The following ASAH1 variants were observed in gnomAD, a reference collection of about 807,000 sequenced individuals.
ASAH1 encodes acid ceramidase.
In ASAH1, 70 loss-of-function variants were observed where a neutral mutation model predicts 59.5. That is an observed-to-expected ratio of 1.18 (90% confidence interval 0.97 to 1.43). The LOEUF (loss-of-function observed/expected upper bound fraction) is 1.43, where lower values mean the gene tolerates loss of function less well. Ranked by LOEUF, ASAH1 falls within the 40% of genes most tolerant of loss-of-function variation. The pLI is 0.00. For missense variants in ASAH1, 660 were observed against 482.5 expected (o/e 1.37, Z -3.45); for synonymous variants, 213 against 166.5 (o/e 1.28, Z -2.15).
intron 1 of ASAH1, among the ~76,000 whole-genome samples, chr8:18,077,916 A>T (rs62497641): frequency 0.012 from 1,877 of 152,282 alleles, 19 homozygotes; most frequent in Admixed American, 0.018. Context: ...TGTGATGGGT[A>T]CTTAACCCAA....
intron 9 of ASAH1, 32 bp from the exon 10 acceptor site, chr8:18,061,490 G>T (rs1799697769): frequency 6.3e-7 from 1 of 1,574,850 alleles, no homozygotes; most frequent in Non-Finnish European, 8.7e-7. Context: ...TCAGGAACCG[G>T]AAGAGGTGAC....
At chr8:18,064,244 T>G (rs1420331929) in intron 6 of ASAH1, 3 of 585,058 alleles carry the variant, frequency 5.1e-6, no homozygotes, top group Non-Finnish European at 9.1e-6. Flanking sequence ...GTTTTTTGCA[T>G]GTCTGAAATC....
chr8:18,059,328 C>A lies in ASAH1; in HGVS notation c.1041+13G>T, dbSNP rs998426454. ...GCAACAGTTTCTTTCTATAGATGAC[C>A]CTGCAAAGGTACCTCTTGGCTGGTG... is the stretch of plus-strand genomic sequence containing the variant. On this transcript the variant is annotated intron_variant, in intron 12 of 13. Transcript: ENST00000637790. 3 of 1,614,004 alleles carry A rather than the reference C, an allele frequency of 1.9e-6. No individual in the cohort carries two copies. In the African/African-American group the frequency reaches 4.0e-5, roughly 22 times the overall value.
At chr8:18,084,324 C>T, upstream of ASAH1, 2 of 1,421,340 alleles carry the variant, frequency 1.4e-6, no homozygotes, top group Non-Finnish European at 1.8e-6. Flanking sequence ...TGGCGCGTGG[C>T]GTGATCCATC....
Position 18,057,638 on chromosome 8 carries a change from AT to A in ASAH1, c.1099-16del. 6.3e-7 allele frequency: 1 copy of A among 1,575,774 alleles called. No homozygotes were observed. Among genetic ancestry groups the A allele is most frequent in the Admixed American group, 1.7e-5 (1 of 58,974 alleles). ...TATACGGTCAGCTGAAAGAAAAGTTATTTTTACTTTAAGGACGTTTTCAATT... is the reference window on the plus strand; with the variant it reads ...TATACGGTCAGCTGAAAGAAAAGTTATTTTACTTTAAGGACGTTTTCAATT... On this transcript the variant is annotated splice_polypyrimidine_tract_variant and intron_variant, in intron 13 of 13. Transcript: ENST00000637790.
rs544879078 is a variant in ASAH1, at chr8:18,057,506, G to A, written c.*28C>T. 3 of 1,546,136 alleles carry A rather than the reference G, an allele frequency of 1.9e-6. No individual in the cohort carries two copies. The highest frequency in any genetic ancestry group is 2.3e-5 in the East Asian group (1 of 42,704). On this transcript the variant is annotated 3_prime_UTR_variant, in exon 14 of 14. Transcript: ENST00000637790. ...GGAGATGGTGTCTTCATGTCTCAGA[G>A]GCCGCATTCTGTAGGCCAGACGTGT...
chr8:18,079,930 T>C (rs1800582937), intron 1 of ASAH1, among the ~76,000 whole-genome samples: 1 of 152,246 alleles, frequency 6.6e-6, no homozygotes, highest in Admixed American at 6.5e-5. Context: ...ATTAAGCTAC[T>C]GATATTTAGG....
chr8:18,058,722 C>T (rs1447608150), intron 13 of ASAH1, 113 bp downstream of exon 13: 4 of 985,798 alleles, frequency 4.1e-6, no homozygotes, highest in Non-Finnish European at 4.8e-6. Flanking sequence ...AAAATCAGTC[C>T]TAAGCTGAAC....
intron 1 of ASAH1, among the ~76,000 whole-genome samples, chr8:18,080,400 C>T (rs1800602551): frequency 6.6e-6 from 1 of 152,182 alleles, no homozygotes; most frequent in South Asian, 2.1e-4. Context: ...ACTTAGCCTA[C>T]CGCAAGCTGT....
Position 18,083,970 on chromosome 8 carries a change from A to C in ASAH1, c.78+11T>G. ...ACGCCCCTCTCTGCGCCTCGGCTCA[A>C]GCTCACTCACCGGCGGCGCGTGCTG... On this transcript the variant is annotated intron_variant, in intron 1 of 13. Coordinates refer to ENST00000637790, the MANE Select transcript of ASAH1 (RefSeq NM_177924.5). The C allele has an allele frequency of 6.3e-7, 1 of 1,597,414 alleles. No homozygotes were observed. Among genetic ancestry groups the C allele is most frequent in the African/African-American group, 1.3e-5 (1 of 75,022 alleles).
chr8:18,079,042 T>C (rs1381839963), intron 1 of ASAH1, among the ~76,000 whole-genome samples: 1 of 152,098 alleles, frequency 6.6e-6, no homozygotes, highest in Non-Finnish European at 1.5e-5. Context: ...CTTGGGAGGC[T>C]GAGGTGGGTG....
intron 5 of ASAH1, 78 bp downstream of exon 5, chr8:18,067,142 T>TATATCTAAGACATACAGCACCTGTG: frequency 1.7e-6 from 2 of 1,180,934 alleles, no homozygotes; most frequent in Non-Finnish European, 2.4e-6. Context: ...ACCTGTGCTG[T>TATATCTAAGACATACAGCACCTGTG]ATGTATATCA....
chr8:18,075,997 ATT>A, intron 1 of ASAH1: 1 of 296,600 alleles, frequency 3.4e-6, no homozygotes, highest in Non-Finnish European at 6.5e-6. Context: ...CCCAAACCAG[ATT>A]TTCAGGGCAC....
intron 2 of ASAH1, among the ~76,000 whole-genome samples, chr8:18,075,012 T>C (rs1050498012): frequency 6.7e-5 from 10 of 149,720 alleles, no homozygotes; most frequent in African/African-American, 2.2e-4. Flanking sequence ...CTTTTTTTTT[T>C]TGAGACAGAG....
intron 2 of ASAH1, among the ~76,000 whole-genome samples, chr8:18,071,599 T>G (rs556493687): frequency 6.6e-6 from 1 of 152,270 alleles, no homozygotes; most frequent in Admixed American, 6.5e-5. Flanking sequence ...AATCCTGGAA[T>G]AGAATGATCT....
intron 10 of ASAH1, chr8:18,059,951 C>T: frequency 2.5e-6 from 1 of 405,016 alleles, no homozygotes; most frequent in Non-Finnish European, 4.6e-6. Context: ...CCCTGACAGG[C>T]CCTGGTGCGT....
chr8:18,067,070 A>T, intron 5 of ASAH1, 150 bp downstream of exon 5: 1 of 201,802 alleles, frequency 5.0e-6, no homozygotes, highest in Non-Finnish European at 1.1e-5. Context: ...GCATTTCTGA[A>T]GCTTCACTGA....
upstream of ASAH1, chr8:18,084,263 AAG>A: frequency 2.8e-6 from 4 of 1,450,558 alleles, no homozygotes; most frequent in Non-Finnish European, 3.6e-6. Flanking sequence ...GGCGTAGAGA[AAG>A]AGAGAGAGCC....
intron 10 of ASAH1, 33 bp from the exon 11 acceptor site, chr8:18,059,736 CTTTT>C: frequency 6.4e-7 from 1 of 1,555,854 alleles, no homozygotes. Context: ...AAAAATGAAA[CTTTT>C]TTTTAATTTT....
Sources: allele counts gnomAD v4.1 joint callset (sites outside exome capture counted in the v4.1 genomes callset), GRCh38; gene constraint gnomAD v4.1.1; transcripts MANE v1.5; gene names NCBI Gene and HGNC (gene_info 2026-07-23, HGNC 2026-07-21).